FRAS1: variants seen among roughly 807,000 people sequenced by gnomAD.
The protein encoded by FRAS1 is extracellular matrix organizing protein FRAS1.
FRAS1 carries 290 observed loss-of-function variants against 435.2 expected under a neutral mutation model. The ratio of observed to expected loss-of-function variants is 0.67; its 90% CI spans 0.61 to 0.73. The LOEUF (loss-of-function observed/expected upper bound fraction) is 0.73, where lower values mean the gene tolerates loss of function less well. Ranked by LOEUF, FRAS1 falls within the 30% of genes least tolerant of loss-of-function variation. FRAS1 has a pLI of 0.00. For missense variants in FRAS1, 4,860 were observed against 5,001.5 expected, an observed-to-expected ratio of 0.97 and a Z score of 0.85; for synonymous variants, 1,800 against 1,851.0, an observed-to-expected ratio of 0.97 and a Z score of 0.71.
chr4:78,501,761 A>G (rs1720688983), intron 61 of FRAS1, among the ~76,000 whole-genome samples: 4 of 152,236 alleles, frequency 2.6e-5, no homozygotes, highest in East Asian at 1.9e-4. Context: ...TTTTGTTGCC[A>G]TTGCTTTTAG....
At chr4:78,074,933 GTT>G (rs1029155624) in intron 2 of FRAS1, among the ~76,000 whole-genome samples, 9 of 152,186 alleles carry the variant, frequency 5.9e-5, no homozygotes, top group Admixed American at 3.9e-4. Context: ...ATTGGGAAGA[GTT>G]AGGCATTCAC....
chr4:78,080,304 G>T (rs772587489), intron 2 of FRAS1, among the ~76,000 whole-genome samples: 1 of 152,128 alleles, frequency 6.6e-6, no homozygotes, highest in Admixed American at 6.6e-5. Context: ...TAGAAGAGGA[G>T]GCATAATTGC....
chr4:78,345,971 C>T (rs1730591879), intron 20 of FRAS1, among the ~76,000 whole-genome samples: 1 of 152,098 alleles, frequency 6.6e-6, no homozygotes, highest in Non-Finnish European at 1.5e-5. Flanking sequence ...AAGCTTTCAG[C>T]TTGTAAAACC....
intron 2 of FRAS1, among the ~76,000 whole-genome samples, chr4:78,074,402 C>G (rs1241017647): frequency 6.6e-6 from 1 of 151,968 alleles, no homozygotes; most frequent in African/African-American, 2.4e-5. Flanking sequence ...TAAAAAGAAG[C>G]CTTTCCCTCT....
chr4:78,183,775 T>TGC (rs55783941), intron 2 of FRAS1, among the ~76,000 whole-genome samples: 42 of 150,714 alleles, frequency 2.8e-4, no homozygotes, highest in African/African-American at 1.0e-3. Context: ...TGTGTGTGTG[T>TGC]TTAAATATAT....
chr4:78,086,837 C>G (rs1330281931), intron 2 of FRAS1, among the ~76,000 whole-genome samples: 1 of 152,120 alleles, frequency 6.6e-6, no homozygotes, highest in Non-Finnish European at 1.5e-5. Context: ...CGAATTCTAC[C>G]AGAGGTACAA....
intron 35 of FRAS1, among the ~76,000 whole-genome samples, chr4:78,428,468 G>A (rs892948231): frequency 6.6e-6 from 1 of 152,098 alleles, no homozygotes; most frequent in African/African-American, 2.4e-5. Flanking sequence ...GACTGCAGGT[G>A]CCCGCCAACA....
At chr4:78,226,659 G>T (rs1724287902) in intron 2 of FRAS1, among the ~76,000 whole-genome samples, 1 of 151,712 alleles carries the variant, frequency 6.6e-6, no homozygotes, top group Non-Finnish European at 1.5e-5. Context: ...GAAGTGCTTA[G>T]GTGTTGTTTT....
intron 14 of FRAS1, among the ~76,000 whole-genome samples, chr4:78,289,216 A>C (rs1463323016): frequency 6.6e-6 from 1 of 152,218 alleles, no homozygotes; most frequent in Non-Finnish European, 1.5e-5. Flanking sequence ...GTCCTGCCTG[A>C]GAATCTTACC....
intron 35 of FRAS1, among the ~76,000 whole-genome samples, chr4:78,424,879 A>C (rs954780807): frequency 4.6e-5 from 7 of 152,018 alleles, no homozygotes; most frequent in African/African-American, 1.7e-4. Flanking sequence ...AGAGTGAGCT[A>C]TGACTGCACT....
chr4:78,073,673 C>A (rs149810677), intron 2 of FRAS1, among the ~76,000 whole-genome samples: 44 of 152,154 alleles, frequency 2.9e-4, no homozygotes, highest in African/African-American at 9.1e-4. Flanking sequence ...ATGGTATTAT[C>A]ATGTTATAGT....
chr4:78,487,580 G>A (rs1335698986), intron 58 of FRAS1, among the ~76,000 whole-genome samples: 3 of 152,138 alleles, frequency 2.0e-5, no homozygotes, highest in Non-Finnish European at 4.4e-5. Context: ...ATAACCAGCA[G>A]TCAACAAAAT....
intron 2 of FRAS1, among the ~76,000 whole-genome samples, chr4:78,136,986 C>T (rs1208879623): frequency 6.6e-6 from 1 of 152,174 alleles, no homozygotes; most frequent in Non-Finnish European, 1.5e-5. Flanking sequence ...TGGGCACCAG[C>T]ACACACAGGG....
At chr4:78,361,104 C>T (rs1345057902) in intron 20 of FRAS1, among the ~76,000 whole-genome samples, 1 of 152,200 alleles carries the variant, frequency 6.6e-6, no homozygotes. Flanking sequence ...GGTTTCCAAT[C>T]CTAACATTTA....
chr4:78,137,158 C>T (rs1719955354), intron 2 of FRAS1, among the ~76,000 whole-genome samples: 1 of 152,242 alleles, frequency 6.6e-6, no homozygotes, highest in Admixed American at 6.5e-5. Flanking sequence ...GCAATACTTA[C>T]ATGGCTTTCA....
chr4:78,109,282 C>G (rs1171337911), intron 2 of FRAS1, among the ~76,000 whole-genome samples: 1 of 75,764 alleles, frequency 1.3e-5, no homozygotes, highest in Non-Finnish European at 2.4e-5. Context: ...CAAAGCCGGG[C>G]AGAGACACAA....
rs34995624 is a variant in FRAS1, at chr4:78,298,297, G to GTATA, written c.1535-9759_1535-9756dup. On this transcript the variant is annotated intron_variant, in intron 14 of 73. Transcript: ENST00000512123. ...GGTATACAATGTGATATTATAAGGT[G>GTATA]TATATATATATATGCACACACACCT... 8.5e-3 allele frequency among the ~76,000 whole-genome samples: 1,254 copies of GTATA among 148,300 alleles called. 8 individuals are homozygous for GTATA. The highest frequency in any genetic ancestry group is 0.012 in the Non-Finnish European group (800 of 67,130).
At chr4:78,290,114 G>T (rs1727815347) in intron 14 of FRAS1, among the ~76,000 whole-genome samples, 1 of 152,030 alleles carries the variant, frequency 6.6e-6, no homozygotes, top group South Asian at 2.1e-4. Flanking sequence ...AAGAAAAAAA[G>T]CTAAAACAAC....
Position 78,450,239 on chromosome 4 carries a change from T to G in FRAS1, c.6363T>G (p.Asp2121Glu). Reference sequence around the variant, plus strand: ...AGGTTATGTACATCATGAAGGAAGATCCTGGTGCAGGGCGCCTGCAGATGA... The same window carrying G: ...AGGTTATGTACATCATGAAGGAAGAGCCTGGTGCAGGGCGCCTGCAGATGA... Reference protein sequence around the residue: ...DHQVMYIMKEDPGAGRLQMMK... With the variant: ...DHQVMYIMKEEPGAGRLQMMK... The change falls in exon 45 of 74, where the codon GAT (aspartate) becomes GAG (glutamate). Residue 2121 changes from aspartate to glutamate, a missense_variant. Asp to Glu is a conservative substitution (Grantham distance 45, BLOSUM62 2). Coordinates refer to ENST00000512123, the MANE Select transcript of FRAS1 (RefSeq NM_025074.7). The G allele has an allele frequency of 6.2e-7, 1 of 1,613,808 alleles. No individual in the cohort carries two copies. The highest frequency in any genetic ancestry group is 8.5e-7 in the Non-Finnish European group (1 of 1,179,784).
Sources: allele counts gnomAD v4.1 joint callset (sites outside exome capture counted in the v4.1 genomes callset), GRCh38; gene constraint gnomAD v4.1.1; transcripts MANE v1.5; gene names NCBI Gene and HGNC (gene_info 2026-07-23, HGNC 2026-07-21).